Variants in PIGT observed in about 807,000 individuals in gnomAD.
PIGT encodes the protein phosphatidylinositol glycan anchor biosynthesis class T, also known as GPI-anchor transamidase component PIGT.
In PIGT, 57 loss-of-function variants were observed where a neutral mutation model predicts 66.7. That is an observed-to-expected ratio of 0.86 (90% CI 0.69 to 1.07). PIGT has a LOEUF of 1.07. Ranked by LOEUF, PIGT falls within the 50% of genes least tolerant of loss-of-function variation. The pLI is 0.00. For missense variants in PIGT, 725 were observed against 740.4 expected (o/e 0.98, Z 0.24); for synonymous variants, 362 against 320.5 (o/e 1.13, Z -1.38).
chr20:45,416,849 A>G (rs977236939), intron 2 of PIGT, 155 bp downstream of exon 2: 1 of 629,818 alleles, frequency 1.6e-6, no homozygotes, highest in Non-Finnish European at 2.6e-6. Flanking sequence ...GTTACCACAG[A>G]TGAATAAACT....
chr20:45,421,159 G>T (rs902495263), intron 8 of PIGT: 19 of 573,712 alleles, frequency 3.3e-5, no homozygotes, highest in Non-Finnish European at 5.9e-5. Context: ...AAGGGGGCAC[G>T]GTGTTCGTCA....
chr20:45,420,004 A>G, intron 5 of PIGT, 132 bp from the exon 6 acceptor site: 1 of 679,954 alleles, frequency 1.5e-6, no homozygotes. Flanking sequence ...TCAAGTGCTC[A>G]GGAGTGGGTG....
At chr20:45,424,698 T>C in intron 11 of PIGT, 119 bp downstream of exon 11, 1 of 709,300 alleles carries the variant, frequency 1.4e-6, no homozygotes, top group South Asian at 1.5e-5. Context: ...AAGAGATGTG[T>C]AGATTTAATT....
At position 45,421,392 on chromosome 20, in the gene PIGT, C is replaced by A. The variant is rs779199357; in HGVS notation, c.1043C>A (p.Pro348Gln). 1 of 1,613,648 alleles carries A rather than the reference C, an allele frequency of 6.2e-7. No individual in the cohort carries two copies. Among genetic ancestry groups the A allele is most frequent in the Admixed American group, 1.7e-5 (1 of 59,996 alleles). The change falls in exon 9 of 12, where the codon CCA becomes CAA. Residue 348 changes from proline (P) to glutamine (Q), a missense_variant. Pro to Gln is a moderately conservative substitution (Grantham distance 76, BLOSUM62 -1). This residue lies in a region of PIGT where 559 missense variants were observed against 552.7 expected (regional missense o/e 1.01). Coordinates refer to ENST00000279036, the MANE Select transcript of PIGT (RefSeq NM_015937.6). ...ATATTTCTTTACACAGAGGCCCCCCCAGTGCCCTTCCTGCATGCCCAGCGG... is the reference window on the plus strand; with the variant it reads ...ATATTTCTTTACACAGAGGCCCCCCAAGTGCCCTTCCTGCATGCCCAGCGG... ...WKRPPENEAP[P>Q]VPFLHAQRYV...
Position 45,425,582 on chromosome 20 carries a change from T to G in PIGT, c.1493T>G (p.Val498Gly), listed in dbSNP as rs757136841. ...ESPLFNSLFP[V>G]SDGSNYFVRL... ...TCTTCCCCTGACCCCAGGTTCCCAG[T>G]CTCTGATGGCTCTAACTACTTTGTG... is the stretch of plus-strand genomic sequence containing the variant. Residue 498 changes from valine (V) to glycine (G), a missense_variant, in exon 12 of 12, where the codon GTC becomes GGC. Physicochemically the swap from Val to Gly is moderately radical, Grantham distance 109. Transcript: ENST00000279036. The G allele has an allele frequency of 1.2e-6, 2 of 1,613,526 alleles. No individual in the cohort carries two copies. The highest frequency in any genetic ancestry group is 2.7e-5 in the African/African-American group (2 of 74,864).
At chr20:45,416,773 T>G in intron 2 of PIGT, 79 bp downstream of exon 2, 2 of 1,336,684 alleles carry the variant, frequency 1.5e-6, no homozygotes, top group East Asian at 2.5e-5. Flanking sequence ...GCCACTGCTC[T>G]TGGGGACAGC....
rs769195904 is a variant in PIGT at position 45,425,609 on chromosome 20, G to A, written c.1520G>A (p.Arg507Gln). Residue 507 changes from arginine (R) to glutamine (Q), a missense_variant, in exon 12 of 12, where the codon CGG (arginine) becomes CAG (glutamine). This residue lies in a region of PIGT where 162 missense variants were observed against 171.1 expected (regional missense o/e 0.95). Transcript: ENST00000279036. ...PVSDGSNYFV[R>Q]LYTEPLLVNL... ...TCTGATGGCTCTAACTACTTTGTGC[G>A]GCTCTACACGGAGCCGCTGCTGGTG... 45 of 1,613,660 alleles carry A rather than the reference G, an allele frequency of 2.8e-5. No homozygotes were observed. The highest frequency in any genetic ancestry group is 3.5e-5 in the Non-Finnish European group (41 of 1,179,972).
In PIGT at chr20:45,419,360, A is replaced by C. The variant is rs763844789; in HGVS notation, c.559A>C (p.Thr187Pro). ...PREVVCTENL[T>P]PWKKLLPCSS... ...GGAGGTGGTCTGCACCGAAAACCTC[A>C]CCCCCTGGAAGAAGCTCTTGCCCTG... The change falls in exon 4 of 12, where the codon ACC becomes CCC. Residue 187 changes from threonine to proline, a missense_variant. By Grantham distance (38) the Thr-to-Pro change is conservative (BLOSUM62 -1). Coordinates refer to ENST00000279036, the MANE Select transcript of PIGT (RefSeq NM_015937.6). 6.2e-7 allele frequency: 1 copy of C among 1,613,668 alleles called. No individual in the cohort carries two copies. The highest frequency in any genetic ancestry group is 8.5e-7 in the Non-Finnish European group (1 of 1,179,874).
rs371353348 is a variant in PIGT at position 45,416,168 on chromosome 20, T to A, written c.12T>A (p.Ala4=). ...AAGTAGCCGCAGGCATGGCGGCGGCTATGCCGCTTGCTCTGCTCGTCCTGT... is the reference window on the plus strand; with the variant it reads ...AAGTAGCCGCAGGCATGGCGGCGGCAATGCCGCTTGCTCTGCTCGTCCTGT... MAA[A]MPLALLVLLL... Residue 4 remains alanine, a synonymous_variant, in exon 1 of 12, where the codon GCT becomes GCA. Transcript: ENST00000279036. 6.4e-7 allele frequency: 1 copy of A among 1,568,838 alleles called. No homozygotes were observed. Among genetic ancestry groups the A allele is most frequent in the Non-Finnish European group, 8.6e-7 (1 of 1,159,066 alleles).
In PIGT at chr20:45,420,663, C is replaced by T. The variant is rs1447630547; in HGVS notation, c.1003C>T (p.Gln335Ter). The T allele has an allele frequency of 1.2e-6, 2 of 1,613,842 alleles. No homozygotes were observed. Among genetic ancestry groups the T allele is most frequent in the Non-Finnish European group, 1.7e-6 (2 of 1,180,022 alleles). ...MINNSRNLNI[Q>*]LKWKRPPENE... ...CAACAACTCTCGAAACCTCAACATCCAGCTCAAGTGGAAGAGACCCCCAGA... is the reference window on the plus strand; with the variant it reads ...CAACAACTCTCGAAACCTCAACATCTAGCTCAAGTGGAAGAGACCCCCAGA... The change falls in exon 8 of 12, where the codon CAG becomes TAG. Residue 335 changes from glutamine (Q) to a stop codon, truncating the protein, a stop_gained. Transcript: ENST00000279036. LOFTEE classifies it high-confidence loss of function.
chr20:45,416,726 C>A, intron 2 of PIGT, 32 bp downstream of exon 2: 1 of 1,575,542 alleles, frequency 6.3e-7, no homozygotes, highest in Non-Finnish European at 8.6e-7. Flanking sequence ...TGTTGCAGGC[C>A]ATGGAGGGAA....
intron 10 of PIGT, 38 bp downstream of exon 10, chr20:45,424,419 G>A (rs1213306096): frequency 6.2e-7 from 1 of 1,613,800 alleles, no homozygotes. Context: ...TCATCCCCCT[G>A]ACCTACCCTT....
intron 1 of PIGT, 25 bp downstream of exon 1, chr20:45,416,368 G>C: frequency 6.4e-7 from 1 of 1,563,554 alleles, no homozygotes; most frequent in Non-Finnish European, 8.7e-7. Flanking sequence ...TCTGACCAGG[G>C]AAAGATTTCC....
In PIGT at chr20:45,424,582, A is replaced by G. The variant is rs200450421; in HGVS notation, c.1484+3A>G. On this transcript the variant is annotated splice_donor_region_variant and intron_variant, in intron 11 of 11. Transcript: ENST00000279036. ...GAGAGTCCCCTCTTCAACAGCCTGT[A>G]AGTGTGACCACACTCACTGATAACA... 1.8e-5 allele frequency: 29 copies of G among 1,609,910 alleles called. No homozygotes were observed. In the Admixed American group the frequency reaches 3.8e-4, roughly 21 times the overall value.
In PIGT at chr20:45,424,673, A is replaced by G. The variant is rs1178886940; in HGVS notation, c.1484+94A>G. ...GCTCCTGCAGGGGAGTTCAGGGTAG[A>G]TGTTACATCTTCCAAAGAGATGTGT... is the stretch of plus-strand genomic sequence containing the variant. On this transcript the variant is annotated intron_variant, in intron 11 of 11. Coordinates refer to ENST00000279036, the MANE Select transcript of PIGT (RefSeq NM_015937.6). 6 of 863,000 alleles carry G rather than the reference A, an allele frequency of 7.0e-6. No homozygotes were observed. The African/African-American group carries it at 9.9e-5, about 14-fold the overall frequency. The allele number at this position is 863,000 out of a possible 1,614,324, so 53.5% of individuals were successfully genotyped here. A position where few individuals can be genotyped will look rare whatever the true frequency, so the allele number is the denominator to read the frequency against.
At chr20:45,424,827 A>T in intron 11 of PIGT, 1 of 545,082 alleles carries the variant, frequency 1.8e-6, no homozygotes, top group South Asian at 2.1e-5. Context: ...TGATGCTCTT[A>T]AATATTTAAT....
At chr20:45,420,786 A>G (rs1424335983) in intron 8 of PIGT, 93 bp downstream of exon 8, 1 of 1,304,738 alleles carries the variant, frequency 7.7e-7, no homozygotes, top group Non-Finnish European at 1.1e-6. Context: ...ATTGGGTTGT[A>G]TTTAGACCAG....
intron 9 of PIGT, 58 bp downstream of exon 9, chr20:45,421,641 TC>T: frequency 7.2e-7 from 1 of 1,391,620 alleles, no homozygotes; most frequent in Non-Finnish European, 1.0e-6. Context: ...CCTCTCCAGG[TC>T]CCCCAAACTC....
chr20:45,420,186 TG>T lies in PIGT; in HGVS notation c.733del (p.Val245TyrfsTer50), dbSNP rs771231909. 6.2e-7 allele frequency: 1 copy of T among 1,612,564 alleles called. No individual in the cohort carries two copies. Among genetic ancestry groups the T allele is most frequent in the Non-Finnish European group, 8.5e-7 (1 of 1,179,338 alleles). On this transcript the variant is annotated frameshift_variant, in exon 6 of 12. Transcript: ENST00000279036. LOFTEE classifies it high-confidence loss of function. ...SWELRQTLSV[V>X]FDAFITGQGK... ...GGGAGCTGAGGCAGACCCTGTCAGT[TG>T]TATTTGATGCCTTCATCACGGGGCA... is the stretch of plus-strand genomic sequence containing the variant.
Sources: gnomAD v4.1 joint callset for allele counts on GRCh38, gnomAD v4.1.1 for gene constraint, gnomAD v4.1.1 regional missense constraint, MANE v1.5 for transcripts, NCBI Gene and HGNC (gene_info 2026-07-23, HGNC 2026-07-21) for gene names.